FAM184A: variants seen among roughly 807,000 people sequenced by gnomAD.
FAM184A encodes protein FAM184A.
FAM184A carries 99 observed loss-of-function variants against 143.8 expected under a neutral mutation model. The ratio of observed to expected loss-of-function variants is 0.69; its 90% CI spans 0.58 to 0.81. FAM184A has a LOEUF of 0.81. Ranked by LOEUF, FAM184A falls within the 40% of genes least tolerant of loss-of-function variation. The pLI is 0.00. For missense variants in FAM184A, 1,217 were observed against 1,310.5 expected (o/e 0.93, Z 1.10); for synonymous variants, 427 against 446.4 (o/e 0.96, Z 0.55).
Position 119,020,125 on chromosome 6 carries a change from G to A in FAM184A, c.1185C>T (p.Thr395=). 1 of 1,598,288 alleles carries A rather than the reference G, an allele frequency of 6.3e-7. No individual in the cohort carries two copies. Among genetic ancestry groups the A allele is most frequent in the South Asian group, 1.1e-5 (1 of 87,222 alleles). Residue 395 remains threonine (T), a synonymous_variant, in exon 4 of 18, where the codon ACC becomes ACT. Transcript: ENST00000338891. ...CTAAATCTTTAATTGTAACTTCCTG[G>A]GTCATTTGAGTTGCTTGAAGCATTC... ...HIGMLQATQM[T]QEVTIKDLES...
intron 1 of FAM184A, among the ~76,000 whole-genome samples, chr6:119,074,593 T>C (rs898331606): frequency 1.3e-5 from 2 of 151,624 alleles, no homozygotes; most frequent in Admixed American, 1.3e-4. Flanking sequence ...AAAAAGTAAT[T>C]TGAAAGTGAC....
At chr6:119,048,981 T>TA (rs376968270) in intron 1 of FAM184A, among the ~76,000 whole-genome samples, 1 of 152,326 alleles carries the variant, frequency 6.6e-6, no homozygotes, top group African/African-American at 2.4e-5. Context: ...CTACCAATGA[T>TA]ATTCTTCACA....
chr6:119,113,928 A>G (rs1219665808), intron 1 of FAM184A, among the ~76,000 whole-genome samples: 2 of 152,182 alleles, frequency 1.3e-5, no homozygotes, highest in Non-Finnish European at 1.5e-5. Context: ...AGTGACAGAG[A>G]AACTATGTCT....
chr6:118,996,431 A>C (rs917321611), intron 9 of FAM184A, among the ~76,000 whole-genome samples: 1 of 152,204 alleles, frequency 6.6e-6, no homozygotes, highest in Non-Finnish European at 1.5e-5. Flanking sequence ...ACATTTTCTA[A>C]GAAAGTGAAA....
At position 119,105,912 on chromosome 6, in the gene FAM184A, TTAAG is replaced by T. The variant is rs145001471; in HGVS notation, c.-202+43162_-202+43165del. On this transcript the variant is annotated intron_variant, in intron 1 of 16. Transcript: ENST00000352896. ...GTTGGCAAACATTAATTTTAATTAA[TTAAG>T]TATGTATAACTAACGTGAAGATATC... 7.7e-3 allele frequency among the ~76,000 whole-genome samples: 1,166 copies of T among 152,318 alleles called. 17 individuals carry two copies. The highest frequency in any genetic ancestry group is 0.027 in the African/African-American group (1,109 of 41,564).
intron 1 of FAM184A, among the ~76,000 whole-genome samples, chr6:119,040,592 A>G (rs1256625377): frequency 1.3e-5 from 2 of 152,166 alleles, no homozygotes; most frequent in Non-Finnish European, 2.9e-5. Flanking sequence ...TGGTGGGGCT[A>G]AAGCCTAAAC....
intron 1 of FAM184A, among the ~76,000 whole-genome samples, chr6:119,114,580 C>T (rs541501177): frequency 1.3e-4 from 20 of 152,230 alleles, no homozygotes; most frequent in South Asian, 8.3e-4. Flanking sequence ...CTCACTTTGT[C>T]GCCCAGGCTG....
At chr6:119,009,671 C>A (rs1473401035) in intron 6 of FAM184A, 4 of 152,168 alleles carry the variant, frequency 2.6e-5, no homozygotes, top group Non-Finnish European at 5.9e-5. Flanking sequence ...TTTGCATAAG[C>A]TTTCCTAAAT....
In FAM184A at chr6:119,006,589, A is replaced by G. The variant is rs534170426; in HGVS notation, c.1673T>C (p.Met558Thr). 5.6e-6 allele frequency: 9 copies of G among 1,612,486 alleles called. No homozygotes were observed. In the African/African-American group the frequency reaches 9.3e-5, roughly 17 times the overall value. ...AAGACCTTGTTCACTTTTCCTTACC[A>G]TATCTTGGAGGTGGCCAATCTGTAA... is the stretch of plus-strand genomic sequence containing the variant. ...ANQEIGHLQDMVRKSEQGLGS... is the reference protein window; with the variant it reads ...ANQEIGHLQDTVRKSEQGLGS... The change falls in exon 7 of 18, where the codon ATG becomes ACG. Residue 558 changes from methionine (M) to threonine (T), a missense_variant. Transcript: ENST00000338891.
intron 1 of FAM184A, among the ~76,000 whole-genome samples, chr6:119,105,686 G>T (rs552615266): frequency 2.8e-4 from 42 of 152,232 alleles, no homozygotes; most frequent in African/African-American, 9.6e-4. Context: ...TTTATTTAAA[G>T]AATATATGGG....
At chr6:119,148,435 T>A (rs1236863878) in intron 1 of FAM184A, among the ~76,000 whole-genome samples, 1 of 152,222 alleles carries the variant, frequency 6.6e-6, no homozygotes, top group East Asian at 1.9e-4. Flanking sequence ...CCCACTAGTA[T>A]GGCCCTAACC....
chr6:118,962,071 T>C, intron 16 of FAM184A, 108 bp from the exon 17 acceptor site: 1 of 1,057,740 alleles, frequency 9.5e-7, no homozygotes. Flanking sequence ...GGAAGCTTTA[T>C]GTTAAATTAA....
intron 5 of FAM184A, among the ~76,000 whole-genome samples, chr6:119,012,612 T>C (rs928204042): frequency 6.6e-6 from 1 of 152,102 alleles, no homozygotes; most frequent in Non-Finnish European, 1.5e-5. Flanking sequence ...AGTACCCAGG[T>C]TTTTTATCGG....
Position 119,016,946 on chromosome 6 carries a change from TA to T in FAM184A, c.1333-3del. 1 of 1,591,416 alleles carries T rather than the reference TA, an allele frequency of 6.3e-7. No homozygotes were observed. Among genetic ancestry groups the T allele is most frequent in the Non-Finnish European group, 8.6e-7 (1 of 1,167,912 alleles). On this transcript the variant is annotated splice_region_variant and splice_polypyrimidine_tract_variant and intron_variant, in intron 4 of 17. Coordinates refer to ENST00000338891, the MANE Select transcript of FAM184A (RefSeq NM_024581.6). ...AGTTCTCTTTGCTTCATTTACTTTCTAAAATTAAAACAAAGATCAATAATCG... is the reference window on the plus strand; with the variant it reads ...AGTTCTCTTTGCTTCATTTACTTTCTAAATTAAAACAAAGATCAATAATCG...
chr6:119,090,196 G>A (rs1406904395), intron 1 of FAM184A, among the ~76,000 whole-genome samples: 1 of 152,232 alleles, frequency 6.6e-6, no homozygotes, highest in South Asian at 2.1e-4. Flanking sequence ...AGGACACATT[G>A]TTGAGTTGGT....
At chr6:119,142,098 A>G (rs1772258282) in intron 1 of FAM184A, among the ~76,000 whole-genome samples, 1 of 152,196 alleles carries the variant, frequency 6.6e-6, no homozygotes, top group Non-Finnish European at 1.5e-5. Context: ...AAGCGTTGAG[A>G]GTTAATCATT....
Position 119,003,015 on chromosome 6 carries a change from G to T in FAM184A, c.1972C>A (p.Leu658Ile). 2 of 1,609,618 alleles carry T rather than the reference G, an allele frequency of 1.2e-6. No individual in the cohort carries two copies. Among genetic ancestry groups the T allele is most frequent in the Non-Finnish European group, 1.7e-6 (2 of 1,178,804 alleles). ...ECSKLREELR[L>I]QHEEDKKSAM... ...GACTTCTTATCCTCTTCATGTTGAA[G>T]CCTTAACTCTTCACGAAGTTTAGAA... The change falls in exon 9 of 18, where the codon CTT (leucine) becomes ATT (isoleucine). Residue 658 changes from leucine to isoleucine, a missense_variant. By Grantham distance (5) the Leu-to-Ile change is conservative. Transcript: ENST00000338891.
chr6:118,990,695 G>A (rs1784351176), intron 9 of FAM184A, among the ~76,000 whole-genome samples: 2 of 149,864 alleles, frequency 1.3e-5, no homozygotes, highest in African/African-American at 2.5e-5. Context: ...GCGAAACCTC[G>A]TCTCTACCAA....
chr6:118,991,090 G>C (rs1784363466), intron 9 of FAM184A, among the ~76,000 whole-genome samples: 1 of 151,788 alleles, frequency 6.6e-6, no homozygotes, highest in Non-Finnish European at 1.5e-5. Context: ...TTTTAAAAAG[G>C]CTGGTGTGAT....
Sources: allele counts gnomAD v4.1 joint callset (sites outside exome capture counted in the v4.1 genomes callset), GRCh38; gene constraint gnomAD v4.1.1; transcripts MANE v1.5; gene names NCBI Gene and HGNC (gene_info 2026-07-23, HGNC 2026-07-21).